CNIH3: variants seen among roughly 807,000 people sequenced by gnomAD.
The protein encoded by CNIH3 is protein cornichon homolog 3.
CNIH3 carries 14 observed loss-of-function variants against 24.1 expected under a neutral mutation model. The ratio of observed to expected loss-of-function variants is 0.58; its 90% CI spans 0.38 to 0.91. CNIH3 has a LOEUF of 0.91. CNIH3 is among the 40% of genes least tolerant of loss of function. The probability of loss-of-function intolerance (pLI) is 0.00; values close to 1 mark genes in which losing one functional copy is unlikely to be tolerated. For missense variants in CNIH3, 178 were observed against 196.8 expected (o/e 0.90, Z 0.57); for synonymous variants, 68 against 73.8 (o/e 0.92, Z 0.40).
rs996626099 is a variant in CNIH3 at position 224,703,236 on chromosome 1, C to T, written c.198+18393C>T. Among the ~76,000 whole-genome samples the T allele has an allele frequency of 2.0e-5, 3 of 152,154 alleles. No individual in the cohort carries two copies. Among genetic ancestry groups the T allele is most frequent in the Admixed American group, 2.0e-4 (3 of 15,282 alleles). On this transcript the variant is annotated intron_variant, in intron 3 of 5. Transcript: ENST00000272133. The surrounding 1 kb of genome is among the most constrained non-coding windows in gnomAD (Gnocchi z 4.2). ...TGTCTGTGCATCCCACGTGGGCCTG[C>T]ACTCATGAGGGCAGAGGGCTGGCCA...
chr1:224,631,029 C>T (rs571914437), intron 1 of CNIH3, among the ~76,000 whole-genome samples: 10 of 151,960 alleles, frequency 6.6e-5, no homozygotes, highest in Admixed American at 2.6e-4. Flanking sequence ...CGTGGTGGTG[C>T]GTGCCTGTCA....
chr1:224,657,002 G>A (rs1358386677), intron 1 of CNIH3, among the ~76,000 whole-genome samples: 1 of 152,156 alleles, frequency 6.6e-6, no homozygotes, highest in Non-Finnish European at 1.5e-5. Flanking sequence ...AGTCCCCTTG[G>A]CTACAAGTGG....
intron 3 of CNIH3, among the ~76,000 whole-genome samples, chr1:224,601,964 C>T (rs1682228828): frequency 6.6e-6 from 1 of 152,230 alleles, no homozygotes; most frequent in Admixed American, 6.5e-5. Flanking sequence ...AGCACCAGCA[C>T]TATCTGAACA....
chr1:224,727,532 A>T (rs1482711427), intron 3 of CNIH3, among the ~76,000 whole-genome samples: 2 of 152,146 alleles, frequency 1.3e-5, no homozygotes, highest in African/African-American at 2.4e-5. Context: ...CCCACAGCCC[A>T]TCAGCAGCCC....
intron 1 of CNIH3, among the ~76,000 whole-genome samples, chr1:224,468,247 A>G (rs998113334): frequency 6.6e-6 from 1 of 152,216 alleles, no homozygotes; most frequent in Non-Finnish European, 1.5e-5. Context: ...GAATTTGGAT[A>G]GGAATTATGT....
intron 4 of CNIH3, among the ~76,000 whole-genome samples, chr1:224,568,338 G>A (rs1558167893): frequency 6.6e-6 from 1 of 152,060 alleles, no homozygotes; most frequent in Non-Finnish European, 1.5e-5. Flanking sequence ...ACAAGACTTA[G>A]AAGAAGAATG....
At chr1:224,617,513 G>C (rs1239925049) in intron 1 of CNIH3, among the ~76,000 whole-genome samples, 1 of 152,206 alleles carries the variant, frequency 6.6e-6, no homozygotes, top group African/African-American at 2.4e-5. Context: ...GGTCCCGGGC[G>C]CCGGGGAGTG....
chr1:224,506,782 G>A (rs1389473905), intron 1 of CNIH3, among the ~76,000 whole-genome samples: 1 of 152,044 alleles, frequency 6.6e-6, no homozygotes, highest in Non-Finnish European at 1.5e-5. Context: ...CTGGACTAGA[G>A]AGAAAGTGAT....
chr1:224,680,543 G>A (rs1686349414), intron 1 of CNIH3, among the ~76,000 whole-genome samples: 1 of 152,080 alleles, frequency 6.6e-6, no homozygotes, highest in Non-Finnish European at 1.5e-5. Flanking sequence ...CCTGACTTCT[G>A]TCTGTTTCAC....
At chr1:224,481,675 C>T (rs1203020413) in intron 1 of CNIH3, among the ~76,000 whole-genome samples, 1 of 152,216 alleles carries the variant, frequency 6.6e-6, no homozygotes, top group South Asian at 2.1e-4. Flanking sequence ...GTGGCCACCA[C>T]CACTGGGATT....
At chr1:224,503,839 C>T (rs974075172) in intron 1 of CNIH3, among the ~76,000 whole-genome samples, 3 of 152,228 alleles carry the variant, frequency 2.0e-5, no homozygotes, top group Middle Eastern at 3.2e-3. Context: ...CCTGCAGGCT[C>T]GGGCACGCTG....
At chr1:224,551,769 C>T (rs1023458590) in intron 3 of CNIH3, among the ~76,000 whole-genome samples, 2 of 151,064 alleles carry the variant, frequency 1.3e-5, no homozygotes, top group Non-Finnish European at 3.0e-5. Context: ...AGAGGGAGTA[C>T]ACCCACTGTG....
intron 1 of CNIH3, among the ~76,000 whole-genome samples, chr1:224,437,960 T>C (rs1216366211): frequency 1.3e-5 from 2 of 151,256 alleles, no homozygotes; most frequent in Non-Finnish European, 2.9e-5. Flanking sequence ...TCGCCCAGGC[T>C]GGAGTGCAGT....
At chr1:224,694,399 C>T (rs1252194419) in intron 3 of CNIH3, among the ~76,000 whole-genome samples, 2 of 152,126 alleles carry the variant, frequency 1.3e-5, no homozygotes, top group African/African-American at 4.8e-5. Flanking sequence ...TTGAGAGGGT[C>T]CCTAAACCTG....
intron 1 of CNIH3, among the ~76,000 whole-genome samples, chr1:224,654,570 G>A (rs780378746): frequency 6.6e-6 from 1 of 152,148 alleles, no homozygotes; most frequent in Non-Finnish European, 1.5e-5. Flanking sequence ...CACTGTTGAT[G>A]CCTGTTTCTA....
chr1:224,613,787 G>A (rs372836705), upstream of CNIH3, among the ~76,000 whole-genome samples: 12 of 152,102 alleles, frequency 7.9e-5, no homozygotes, highest in East Asian at 9.6e-4. Flanking sequence ...GGCCTCCCCC[G>A]AAGCCGAGCA....
At chr1:224,645,577 A>C (rs539522526) in intron 1 of CNIH3, among the ~76,000 whole-genome samples, 80 of 152,338 alleles carry the variant, frequency 5.3e-4, no homozygotes, top group Non-Finnish European at 8.4e-4. Flanking sequence ...TATTTCCAAA[A>C]TATGGTGGGT....
chr1:224,477,880 G>C (rs1170417513), intron 1 of CNIH3, among the ~76,000 whole-genome samples: 1 of 152,074 alleles, frequency 6.6e-6, no homozygotes, highest in Non-Finnish European at 1.5e-5. Context: ...GTTTTTGTTT[G>C]TCTGGGAAAG....
intron 2 of CNIH3, among the ~76,000 whole-genome samples, chr1:224,528,997 T>C (rs1184565380): frequency 6.6e-6 from 1 of 152,202 alleles, no homozygotes; most frequent in Non-Finnish European, 1.5e-5. Flanking sequence ...ACTGCTGGCA[T>C]CACTGTTTCA....
Sources: gnomAD v4.1 joint callset for allele counts (sites outside exome capture counted in the v4.1 genomes callset) on GRCh38, gnomAD v4.1.1 for gene constraint, Gnocchi (gnomAD v3.1) non-coding constraint, MANE v1.5 for transcripts, NCBI Gene and HGNC (gene_info 2026-07-23, HGNC 2026-07-21) for gene names.